The following MSR1 variants were observed in gnomAD, a reference collection of about 807,000 sequenced individuals.
MSR1 encodes macrophage scavenger receptor types I and II.
Under a neutral mutation model 47.2 loss-of-function variants are expected in MSR1, and 53 were observed. That is an observed-to-expected ratio of 1.12 (90% CI 0.90 to 1.41). The LOEUF (loss-of-function observed/expected upper bound fraction) is 1.41, where lower values mean the gene tolerates loss of function less well. Ranked by LOEUF, MSR1 falls within the 40% of genes most tolerant of loss-of-function variation. MSR1 has a pLI of 0.00. For synonymous variants in MSR1, 239 were observed against 185.6 expected (o/e 1.29, Z -2.34); for missense variants, 786 against 546.9 (o/e 1.44, Z -4.36).
intron 8 of MSR1, among the ~76,000 whole-genome samples, chr8:16,123,257 A>C (rs1417404752): frequency 6.6e-6 from 1 of 152,110 alleles, no homozygotes; most frequent in African/African-American, 2.4e-5. Context: ...CACATTGCTG[A>C]TCCTTGACCA....
chr8:16,159,250 T>G (rs1250612267), intron 5 of MSR1, among the ~76,000 whole-genome samples: 5 of 151,904 alleles, frequency 3.3e-5, no homozygotes, highest in Non-Finnish European at 4.4e-5. Flanking sequence ...ATCTAAAATG[T>G]TTCCAAATAA....
At chr8:16,181,404 G>T (rs1563170505) in intron 1 of MSR1, among the ~76,000 whole-genome samples, 1 of 152,108 alleles carries the variant, frequency 6.6e-6, no homozygotes. Flanking sequence ...CAATCCAAAT[G>T]CCCATCAATG....
chr8:16,152,556 A>C (rs1800889709), intron 6 of MSR1, among the ~76,000 whole-genome samples: 1 of 152,072 alleles, frequency 6.6e-6, no homozygotes, highest in Admixed American at 6.6e-5. Flanking sequence ...CAGCCAGAGA[A>C]GCCTTCAGTT....
chr8:16,116,557 G>A (rs1289038741), intron 9 of MSR1, among the ~76,000 whole-genome samples: 1 of 152,062 alleles, frequency 6.6e-6, no homozygotes, highest in Non-Finnish European at 1.5e-5. Flanking sequence ...AACTTCACAT[G>A]AGACTAAACT....
At position 16,168,742 on chromosome 8, in the gene MSR1, C is replaced by T. The variant is rs573519862; in HGVS notation, c.346G>A (p.Glu116Lys). 6.2e-7 allele frequency: 1 copy of T among 1,614,134 alleles called. No homozygotes were observed. Among genetic ancestry groups the T allele is most frequent in the East Asian group, 2.2e-5 (1 of 44,868 alleles). The change falls in exon 4 of 10, where the codon GAA (glutamate) becomes AAA (lysine). Residue 116 changes from glutamate to lysine, a missense_variant. Transcript: ENST00000262101. ...EEMRFQEVFM[E>K]HMSNMEKRIQ... ...CTCTTCTCCATGTTGCTCATGTGTT[C>T]CATAAAGACTTCTTGAAATCTCATT...
chr8:16,145,470 A>G (rs1800672338), intron 7 of MSR1, among the ~76,000 whole-genome samples: 1 of 152,144 alleles, frequency 6.6e-6, no homozygotes, highest in African/African-American at 2.4e-5. Context: ...TAACTTCACA[A>G]TGAGAAAAGA....
At chr8:16,158,079 G>T (rs2117153110) in intron 5 of MSR1, among the ~76,000 whole-genome samples, 1 of 151,996 alleles carries the variant, frequency 6.6e-6, no homozygotes, top group Admixed American at 6.6e-5. Context: ...TGGACAAAAT[G>T]CTACCTGTCA....
intron 6 of MSR1, among the ~76,000 whole-genome samples, chr8:16,153,313 C>T (rs73665223): frequency 0.04 from 6,091 of 152,036 alleles, 438 homozygotes; most frequent in African/African-American, 0.14. Flanking sequence ...GAACAGAATG[C>T]AGCAAGACAT....
intron 1 of MSR1, chr8:16,186,168 T>C (rs893327457): frequency 4.2e-5 from 65 of 1,535,002 alleles, no homozygotes; most frequent in Non-Finnish European, 4.9e-5. Flanking sequence ...CGGTTTTTTG[T>C]TGAGAAGAGA....
intron 8 of MSR1, among the ~76,000 whole-genome samples, chr8:16,137,515 A>G (rs1341640663): frequency 6.6e-6 from 1 of 152,118 alleles, no homozygotes; most frequent in African/African-American, 2.4e-5. Flanking sequence ...TGATATATAT[A>G]AAAATACATA....
At chr8:16,130,508 G>A (rs577180793) in intron 8 of MSR1, among the ~76,000 whole-genome samples, 1 of 152,154 alleles carries the variant, frequency 6.6e-6, no homozygotes, top group South Asian at 2.1e-4. Context: ...TTAGGTTCAG[G>A]CGTACCTGTG....
At chr8:16,139,365 C>A (rs1038035365) in intron 8 of MSR1, 10 of 936,580 alleles carry the variant, frequency 1.1e-5, no homozygotes, top group Non-Finnish European at 1.3e-5. Flanking sequence ...TTCACACACA[C>A]AATATCTTAC....
chr8:16,155,593 G>A (rs1020542939), intron 5 of MSR1, among the ~76,000 whole-genome samples: 1 of 151,952 alleles, frequency 6.6e-6, no homozygotes, highest in Non-Finnish European at 1.5e-5. Flanking sequence ...ATTCACACAT[G>A]GTAGACAACC....
At chr8:16,156,653 G>A (rs993569872) in intron 5 of MSR1, among the ~76,000 whole-genome samples, 2 of 151,754 alleles carry the variant, frequency 1.3e-5, no homozygotes, top group Non-Finnish European at 2.9e-5. Flanking sequence ...ATTCGTAGTT[G>A]TGTTATTTTA....
chr8:16,149,808 C>T (rs952752839), intron 7 of MSR1, among the ~76,000 whole-genome samples: 4 of 152,054 alleles, frequency 2.6e-5, no homozygotes, highest in African/African-American at 4.8e-5. Context: ...TGTGGTTAAA[C>T]GGGTATTTAC....
chr8:16,137,902 G>A lies in MSR1; in HGVS notation c.1033+5656C>T, dbSNP rs1173796521. On this transcript the variant is annotated intron_variant, in intron 8 of 9. Coordinates refer to ENST00000262101, the MANE Select transcript of MSR1 (RefSeq NM_138715.3). ...AGCTACTCAGGAGGCTGAGGTGGGA[G>A]GATCATTTAAGCCCAGGAGCTTAAA... Among the ~76,000 whole-genome samples the A allele has an allele frequency of 3.3e-5, 5 of 151,804 alleles. 1 individual carries two copies. Among genetic ancestry groups the A allele is most frequent in the Non-Finnish European group, 7.4e-5 (5 of 67,964 alleles).
chr8:16,134,787 T>A (rs1474928950), intron 8 of MSR1, among the ~76,000 whole-genome samples: 2 of 152,146 alleles, frequency 1.3e-5, no homozygotes, highest in Non-Finnish European at 1.5e-5. Context: ...CAATTAAAAG[T>A]GCCACTCCAG....
At chr8:16,155,953 T>A (rs1374771493) in intron 5 of MSR1, among the ~76,000 whole-genome samples, 2 of 151,896 alleles carry the variant, frequency 1.3e-5, no homozygotes, top group Non-Finnish European at 2.9e-5. Context: ...CAACCCTGAT[T>A]TAGCCATTTG....
intron 8 of MSR1, among the ~76,000 whole-genome samples, chr8:16,126,070 T>G (rs1039259849): frequency 6.6e-6 from 1 of 152,142 alleles, no homozygotes; most frequent in Non-Finnish European, 1.5e-5. Context: ...TTGAAATATA[T>G]TTTATTTAAA....
Sources: allele counts gnomAD v4.1 joint callset (sites outside exome capture counted in the v4.1 genomes callset), GRCh38; gene constraint gnomAD v4.1.1; transcripts MANE v1.5; gene names NCBI Gene and HGNC (gene_info 2026-07-23, HGNC 2026-07-21).